Variants in MAGI1 observed in about 807,000 individuals in gnomAD.
MAGI1 encodes the protein membrane associated guanylate kinase, WW and PDZ domain containing 1.
A neutral mutation model predicts 139.9 loss-of-function variants in MAGI1; 58 were observed. The ratio of observed to expected loss-of-function variants is 0.41; its 90% CI spans 0.34 to 0.52. The LOEUF is 0.52. Among genes scored for constraint, MAGI1 ranks in the 20% least tolerant of loss-of-function variants. The probability of loss-of-function intolerance (pLI) is 0.12; values close to 1 mark genes in which losing one functional copy is unlikely to be tolerated. For missense variants in MAGI1, 1,874 were observed against 1,901.6 expected (o/e 0.99, Z 0.27); for synonymous variants, 812 against 737.9 (o/e 1.10, Z -1.63).
At chr3:65,725,955 A>G (rs558516515) in intron 1 of MAGI1, among the ~76,000 whole-genome samples, 14 of 152,342 alleles carry the variant, frequency 9.2e-5, no homozygotes, top group African/African-American at 3.4e-4. Flanking sequence ...AAGGGAAAAG[A>G]GAAACTATTA....
At chr3:65,735,753 C>A (rs1227070834) in intron 1 of MAGI1, among the ~76,000 whole-genome samples, 1 of 152,202 alleles carries the variant, frequency 6.6e-6, no homozygotes, top group African/African-American at 2.4e-5. Context: ...GATTCTCCCT[C>A]TGCTAAGTTT....
intron 2 of MAGI1, among the ~76,000 whole-genome samples, chr3:65,619,181 G>A (rs1449372493): frequency 6.6e-6 from 1 of 152,196 alleles, no homozygotes; most frequent in Non-Finnish European, 1.5e-5. Context: ...AGCAGCAGAT[G>A]AGGAATGAGT....
At chr3:65,538,202 C>T (rs888147397) in intron 2 of MAGI1, among the ~76,000 whole-genome samples, 2 of 152,136 alleles carry the variant, frequency 1.3e-5, no homozygotes, top group African/African-American at 4.8e-5. Context: ...CTGCCTTTTC[C>T]ACTAACTTAT....
chr3:65,531,270 T>C (rs1360431161), intron 2 of MAGI1, among the ~76,000 whole-genome samples: 1 of 152,084 alleles, frequency 6.6e-6, no homozygotes. Flanking sequence ...GCTAGGGTTG[T>C]CATCTGAGCA....
At chr3:65,967,651 A>G (rs1280764988) in intron 1 of MAGI1, among the ~76,000 whole-genome samples, 1 of 152,238 alleles carries the variant, frequency 6.6e-6, no homozygotes, top group Non-Finnish European at 1.5e-5. Context: ...AGCAGTCGAC[A>G]GGAAACGTTT....
intron 1 of MAGI1, among the ~76,000 whole-genome samples, chr3:65,692,660 G>GTT: frequency 6.6e-6 from 1 of 152,234 alleles, no homozygotes; most frequent in Admixed American, 6.5e-5. Flanking sequence ...GTGTTGAAAG[G>GTT]TGGGACCTTT....
At chr3:65,648,171 T>C (rs1459581193) in intron 1 of MAGI1, among the ~76,000 whole-genome samples, 1 of 152,118 alleles carries the variant, frequency 6.6e-6, no homozygotes, top group Non-Finnish European at 1.5e-5. Context: ...TTTTTCTTTT[T>C]TGAAACACTG....
At chr3:65,915,535 T>C (rs2061857236) in intron 1 of MAGI1, among the ~76,000 whole-genome samples, 1 of 152,196 alleles carries the variant, frequency 6.6e-6, no homozygotes, top group Non-Finnish European at 1.5e-5. Flanking sequence ...TTTTTCTTTT[T>C]TTAAAATCCC....
Position 65,356,364 on chromosome 3 carries a change from T to A in MAGI1, c.*14A>T. 1 of 1,558,810 alleles carries A rather than the reference T, an allele frequency of 6.4e-7. No homozygotes were observed. The highest frequency in any genetic ancestry group is 8.6e-7 in the Non-Finnish European group (1 of 1,160,386). ...ACCTTTGACACGGTAAAGGTTGGAA[T>A]GTGACTCAGCGTCTCAGATACTGAG... On this transcript the variant is annotated 3_prime_UTR_variant, in exon 23 of 23. Transcript: ENST00000402939.
intron 10 of MAGI1, among the ~76,000 whole-genome samples, chr3:65,435,482 GGATGGATGGATGGATGGATGGAA>G (rs1947779410): frequency 6.6e-6 from 1 of 151,700 alleles, no homozygotes; most frequent in Non-Finnish European, 1.5e-5. Flanking sequence ...ATGGATGGAT[GGATGGATGGATGGATGGATGGAA>G]GATGGATGGA....
chr3:65,728,288 G>A lies in MAGI1; in HGVS notation c.314-106200C>T, dbSNP rs147435536. On this transcript the variant is annotated intron_variant, in intron 1 of 22. Coordinates refer to ENST00000402939, the MANE Select transcript of MAGI1 (RefSeq NM_001033057.2). The stretch of plus-strand genomic sequence containing the variant: ...GAAAACTCAGAACAGGATGATTGGA[G>A]CTGGAGCACCCTGTGAGGCGCAGAA... Among the ~76,000 whole-genome samples the A allele has an allele frequency of 7.0e-4, 106 of 152,260 alleles. 1 individual carries two copies. Among genetic ancestry groups the A allele is most frequent in the African/African-American group, 2.5e-3 (105 of 41,546 alleles).
Position 65,686,851 on chromosome 3 carries a change from C to T in MAGI1, c.314-64763G>A, listed in dbSNP as rs747561458. ...CTAAACCATGTAAATTTAGAGGAAACTGCTACTTTTTCTTTGTAACTTTAC... is the reference window on the plus strand; with the variant it reads ...CTAAACCATGTAAATTTAGAGGAAATTGCTACTTTTTCTTTGTAACTTTAC... On this transcript the variant is annotated intron_variant, in intron 1 of 22. Transcript: ENST00000402939. Among the ~76,000 whole-genome samples the T allele has an allele frequency of 5.1e-4, 78 of 152,184 alleles. 1 individual carries two copies. Among genetic ancestry groups the T allele is most frequent in the Non-Finnish European group, 1.0e-3 (71 of 68,038 alleles).
At chr3:65,609,168 T>C (rs994834242) in intron 2 of MAGI1, among the ~76,000 whole-genome samples, 3 of 152,156 alleles carry the variant, frequency 2.0e-5, no homozygotes, top group African/African-American at 7.2e-5. Flanking sequence ...GAAATGGTTA[T>C]ATGGATGAGT....
chr3:65,827,391 G>T (rs17073901), intron 1 of MAGI1, among the ~76,000 whole-genome samples: 2 of 151,328 alleles, frequency 1.3e-5, no homozygotes, highest in East Asian at 3.9e-4. Context: ...ACAGCACAAA[G>T]AATATTACAA....
chr3:65,697,945 G>A (rs2089330865), intron 1 of MAGI1, among the ~76,000 whole-genome samples: 1 of 77,098 alleles, frequency 1.3e-5, no homozygotes, highest in Admixed American at 1.2e-4. Flanking sequence ...GTCCCTGTTT[G>A]CAGACGACAT....
chr3:65,361,748 G>A (rs9831547), intron 21 of MAGI1, among the ~76,000 whole-genome samples: 10,442 of 152,184 alleles, frequency 0.069, 968 homozygotes, highest in East Asian at 0.37. Context: ...GTCATAAAAC[G>A]ATTTTGTCAT....
chr3:65,486,114 C>A (rs1452134935), intron 3 of MAGI1, among the ~76,000 whole-genome samples: 1 of 152,180 alleles, frequency 6.6e-6, no homozygotes, highest in Admixed American at 6.5e-5. Flanking sequence ...ACTCTCTTCA[C>A]CCCTATTTTA....
chr3:65,668,512 G>A (rs1297452508), intron 1 of MAGI1, among the ~76,000 whole-genome samples: 1 of 147,170 alleles, frequency 6.8e-6, no homozygotes, highest in Non-Finnish European at 1.5e-5. Context: ...GCTCCAACCA[G>A]TTCAAAACTC....
chr3:65,593,175 G>T (rs7618288), intron 2 of MAGI1, among the ~76,000 whole-genome samples: 104,112 of 151,792 alleles, frequency 0.69, 36,208 homozygotes, highest in East Asian at 0.93. Context: ...AGACTTTTTT[G>T]GCTTCCCTTT....
Sources: allele counts gnomAD v4.1 joint callset (sites outside exome capture counted in the v4.1 genomes callset), GRCh38; gene constraint gnomAD v4.1.1; transcripts MANE v1.5; gene names NCBI Gene and HGNC (gene_info 2026-07-23, HGNC 2026-07-21).